JAKMIP3: variants seen among roughly 807,000 people sequenced by gnomAD.
The protein encoded by JAKMIP3 is Janus kinase and microtubule interacting protein 3.
JAKMIP3 carries 58 observed loss-of-function variants against 118.5 expected under a neutral mutation model. That is an observed-to-expected ratio of 0.49 (90% CI 0.40 to 0.61). The LOEUF (loss-of-function observed/expected upper bound fraction) is 0.61. Ranked by LOEUF, JAKMIP3 falls within the 20% of genes least tolerant of loss-of-function variation. The pLI is 0.00. For synonymous variants in JAKMIP3, 486 were observed against 451.2 expected, an observed-to-expected ratio of 1.08 and a Z score of -0.98; for missense variants, 950 against 1,109.0, an observed-to-expected ratio of 0.86 and a Z score of 2.04.
intron 1 of JAKMIP3, among the ~76,000 whole-genome samples, chr10:132,102,958 C>T (rs1329962501): frequency 6.9e-6 from 1 of 144,736 alleles, no homozygotes; most frequent in Non-Finnish European, 1.5e-5. Context: ...GAGACGCGGG[C>T]ATGGGGTGGG....
intron 18 of JAKMIP3, 35 bp downstream of exon 18, chr10:132,153,862 G>A: frequency 6.2e-7 from 1 of 1,612,960 alleles, no homozygotes; most frequent in Admixed American, 1.7e-5. Context: ...CTGCGGCTCG[G>A]TGCTGCAGGT....
At chr10:132,042,203 C>CTTCCTTCCTTCCTTCCTTCCTTCCTTCA (rs1564848094) in intron 1 of JAKMIP3, among the ~76,000 whole-genome samples, 2 of 149,872 alleles carry the variant, frequency 1.3e-5, no homozygotes, top group Non-Finnish European at 3.0e-5. Context: ...TCCTTCCTTC[C>CTTCCTTCCTTCCTTCCTTCCTTCCTTCA]TTCCTTCCTT....
At chr10:132,077,660 G>GT (rs1357920152) in intron 1 of JAKMIP3, among the ~76,000 whole-genome samples, 3 of 152,138 alleles carry the variant, frequency 2.0e-5, no homozygotes, top group Non-Finnish European at 4.4e-5. Flanking sequence ...GTTTTCTTGT[G>GT]TTTTTTTGAG....
intron 11 of JAKMIP3, 73 bp from the exon 12 acceptor site, chr10:132,145,034 G>T: frequency 8.0e-7 from 1 of 1,256,468 alleles, no homozygotes; most frequent in South Asian, 1.3e-5. Flanking sequence ...CCCTTCTGAC[G>T]TCCCACGAGT....
intron 19 of JAKMIP3, among the ~76,000 whole-genome samples, chr10:132,157,815 G>A (rs2057276065): frequency 6.6e-6 from 1 of 152,108 alleles, no homozygotes; most frequent in African/African-American, 2.4e-5. Context: ...AGAAGAATGG[G>A]ACATGGCAAA....
At chr10:132,178,948 C>T (rs930431826) in intron 23 of JAKMIP3, among the ~76,000 whole-genome samples, 11 of 152,342 alleles carry the variant, frequency 7.2e-5, no homozygotes, top group Admixed American at 2.0e-4. Context: ...TACGTCTGCA[C>T]GTGGTACCCA....
At chr10:132,159,546 CTCCCTGTGTGATGCTGGGGGGGCGTG>C (rs2057638343) in intron 19 of JAKMIP3, among the ~76,000 whole-genome samples, 1 of 132,810 alleles carries the variant, frequency 7.5e-6, no homozygotes, top group Non-Finnish European at 1.6e-5. Flanking sequence ...GGGAGGGTCT[CTCCCTGTGTGATGCTGGGGGGGCGTG>C]TCTCCCTGTG....
At chr10:132,085,791 A>G (rs2042327637) in intron 1 of JAKMIP3, among the ~76,000 whole-genome samples, 1 of 152,040 alleles carries the variant, frequency 6.6e-6, no homozygotes, top group African/African-American at 2.4e-5. Context: ...GAGCCACTGC[A>G]CCTGGCCTTA....
At position 132,104,856 on chromosome 10, in the gene JAKMIP3, G is replaced by A; in HGVS notation, c.48G>A (p.Glu16=). 6.4e-7 allele frequency: 1 copy of A among 1,557,528 alleles called. No homozygotes were observed. Among genetic ancestry groups the A allele is most frequent in the Non-Finnish European group, 8.7e-7 (1 of 1,150,856 alleles). ...GCCGGGCCAAGGGGGACAAGGCAGA[G>A]GCCCTCGCGGCGCTGCAGGCGGCCA... ...MSSRAKGDKA[E]ALAALQAANE... is the part of the protein sequence containing the mutation. Residue 16 remains glutamate, a synonymous_variant, in exon 2 of 24, where the codon GAG becomes GAA. Transcript: ENST00000684848.
At chr10:132,143,332 G>C (rs1392815211) in intron 11 of JAKMIP3, among the ~76,000 whole-genome samples, 1 of 152,140 alleles carries the variant, frequency 6.6e-6, no homozygotes, top group African/African-American at 2.4e-5. Context: ...AGACATCCCA[G>C]AGCCTCATGG....
chr10:132,083,471 T>C (rs375820995), intron 1 of JAKMIP3, among the ~76,000 whole-genome samples: 12 of 152,030 alleles, frequency 7.9e-5, no homozygotes, highest in African/African-American at 2.9e-4. Context: ...TTTTCTCCCA[T>C]TCTCTGGGTT....
chr10:132,135,240 ATT>A (rs2051505824), intron 5 of JAKMIP3, 80 bp downstream of exon 5: 1 of 1,426,652 alleles, frequency 7.0e-7, no homozygotes, highest in African/African-American at 1.4e-5. Flanking sequence ...CACTTTCAAA[ATT>A]CCTTGCGTAA....
At chr10:132,123,987 C>T (rs942524663) in intron 3 of JAKMIP3, among the ~76,000 whole-genome samples, 11 of 152,344 alleles carry the variant, frequency 7.2e-5, no homozygotes, top group Middle Eastern at 6.8e-3. Context: ...AGTCCCAGGG[C>T]GTGGCTGTGC....
intron 1 of JAKMIP3, among the ~76,000 whole-genome samples, chr10:132,101,152 G>A (rs1359850847): frequency 6.6e-6 from 1 of 152,150 alleles, no homozygotes; most frequent in Non-Finnish European, 1.5e-5. Flanking sequence ...TGGGACGGGA[G>A]GAGGGAGGCC....
intron 12 of JAKMIP3, 60 bp from the exon 13 acceptor site, chr10:132,145,458 A>T (rs971420906): frequency 6.9e-7 from 1 of 1,440,426 alleles, no homozygotes; most frequent in Non-Finnish European, 9.5e-7. Flanking sequence ...ATCACGATTT[A>T]AACGTTGGTT....
At chr10:132,134,946 C>T (rs972623122) in intron 4 of JAKMIP3, 95 bp from the exon 5 acceptor site, 9 of 1,469,234 alleles carry the variant, frequency 6.1e-6, no homozygotes, top group Admixed American at 1.9e-5. Flanking sequence ...GCGCGTCCCA[C>T]GGCAGCGTTT....
chr10:132,135,013 C>G lies in JAKMIP3; in HGVS notation c.850-28C>G, dbSNP rs771543385. On this transcript the variant is annotated intron_variant, in intron 4 of 23. Transcript: ENST00000684848. ...GCTTCCCAGGCTTGTGGGTAGGAAC[C>G]GTTATTTGCAGTTGATTTTTGTTTT... 11 of 1,609,264 alleles carry G rather than the reference C, an allele frequency of 6.8e-6. 1 individual carries two copies. The South Asian group carries it at 1.2e-4, about 18-fold the overall frequency.
At chr10:132,094,883 T>C (rs1318018184) in intron 1 of JAKMIP3, among the ~76,000 whole-genome samples, 2 of 152,010 alleles carry the variant, frequency 1.3e-5, no homozygotes, top group Non-Finnish European at 2.9e-5. Context: ...GAGCTCAGAC[T>C]CTCTTGGGCG....
upstream of JAKMIP3, among the ~76,000 whole-genome samples, chr10:132,060,089 G>A (rs1248778964): frequency 2.0e-5 from 3 of 152,188 alleles, no homozygotes; most frequent in African/African-American, 7.2e-5. Context: ...ATAGAGCTTG[G>A]ACCCTCGATG....
Sources: gnomAD v4.1 joint callset for allele counts (sites outside exome capture counted in the v4.1 genomes callset) on GRCh38, gnomAD v4.1.1 for gene constraint, MANE v1.5 for transcripts, NCBI Gene and HGNC (gene_info 2026-07-23, HGNC 2026-07-21) for gene names.